Variants in TRAPPC9 observed in about 807,000 individuals in gnomAD.
The protein encoded by TRAPPC9 is IKK2 binding protein.
A neutral mutation model predicts 124.0 loss-of-function variants in TRAPPC9; 83 were observed. The ratio of observed to expected loss-of-function variants is 0.67; its 90% CI spans 0.56 to 0.80. The LOEUF is 0.80. Among genes scored for constraint, TRAPPC9 ranks in the 30% least tolerant of loss-of-function variants. TRAPPC9 has a pLI of 0.00. For missense variants in TRAPPC9, 1,302 were observed against 1,508.3 expected, an observed-to-expected ratio of 0.86 and a Z score of 2.27; for synonymous variants, 638 against 617.5, an observed-to-expected ratio of 1.03 and a Z score of -0.49.
At chr8:139,990,582 C>T (rs1269961756) in intron 18 of TRAPPC9, among the ~76,000 whole-genome samples, 1 of 151,934 alleles carries the variant, frequency 6.6e-6, no homozygotes, top group Non-Finnish European at 1.5e-5. Context: ...GAACATGTCA[C>T]CATTTCTTTT....
intron 17 of TRAPPC9, among the ~76,000 whole-genome samples, chr8:140,077,036 C>A (rs763729792): frequency 6.6e-6 from 1 of 152,026 alleles, no homozygotes; most frequent in Non-Finnish European, 1.5e-5. Context: ...CATGGTAGCA[C>A]ACACCTGTAG....
At chr8:139,923,408 G>A (rs1832625537) in intron 19 of TRAPPC9, among the ~76,000 whole-genome samples, 1 of 152,138 alleles carries the variant, frequency 6.6e-6, no homozygotes, top group Non-Finnish European at 1.5e-5. Context: ...TGAACACATG[G>A]GAGCTGCACG....
chr8:140,126,016 C>T (rs2061090043), intron 17 of TRAPPC9, among the ~76,000 whole-genome samples: 1 of 152,094 alleles, frequency 6.6e-6, no homozygotes. Flanking sequence ...TTGTGATCCG[C>T]CAGCCTCGGC....
chr8:140,201,649 T>A (rs2062792550), intron 17 of TRAPPC9, among the ~76,000 whole-genome samples: 3 of 152,230 alleles, frequency 2.0e-5, no homozygotes, highest in Admixed American at 2.0e-4. Context: ...AGATGATAGG[T>A]CTTGATATTT....
chr8:139,788,582 C>A lies in TRAPPC9; in HGVS notation c.3056-56380G>T, dbSNP rs1330499923. Reference sequence around the variant, plus strand: ...CAGACCCTGGCATGGAGGTCCGTGGCCACTCCACGACAGCCCATGAAGAAC... The same window carrying A: ...CAGACCCTGGCATGGAGGTCCGTGGACACTCCACGACAGCCCATGAAGAAC... On this transcript the variant is annotated intron_variant, in intron 21 of 22. Coordinates refer to ENST00000438773, the MANE Select transcript of TRAPPC9 (RefSeq NM_001160372.4). This position sits in a 1 kb window ranked among gnomAD's most constrained non-coding sequence, Gnocchi z 4.9. Among the ~76,000 whole-genome samples, 1 of 152,168 alleles carries A rather than the reference C, an allele frequency of 6.6e-6. No homozygotes were observed. Among genetic ancestry groups the A allele is most frequent in the Non-Finnish European group, 1.5e-5 (1 of 68,034 alleles).
intron 17 of TRAPPC9, among the ~76,000 whole-genome samples, chr8:140,147,012 G>C (rs1292830354): frequency 6.6e-6 from 1 of 152,108 alleles, no homozygotes; most frequent in Non-Finnish European, 1.5e-5. Context: ...TCAAACTATT[G>C]GCTTGGTGCA....
chr8:140,425,304 A>G, intron 5 of TRAPPC9, among the ~76,000 whole-genome samples: 1 of 152,218 alleles, frequency 6.6e-6, no homozygotes, highest in Non-Finnish European at 1.5e-5. Context: ...AGTCAGGTCC[A>G]CACGTTTCTC....
chr8:140,042,588 T>G (rs1841341379), intron 17 of TRAPPC9, among the ~76,000 whole-genome samples: 1 of 152,178 alleles, frequency 6.6e-6, no homozygotes, highest in Non-Finnish European at 1.5e-5. Context: ...CACCTGGTCT[T>G]TAGGGAGCCT....
intron 19 of TRAPPC9, among the ~76,000 whole-genome samples, chr8:139,918,521 C>T (rs956156018): frequency 1.3e-5 from 2 of 152,218 alleles, no homozygotes; most frequent in Non-Finnish European, 2.9e-5. Context: ...AGCAAACCGG[C>T]CAGAGCGAGG....
chr8:140,024,693 G>GTGTGGGATGACAGGCA (rs1326224577), intron 17 of TRAPPC9, among the ~76,000 whole-genome samples: 2 of 151,922 alleles, frequency 1.3e-5, no homozygotes, highest in Non-Finnish European at 2.9e-5. Flanking sequence ...GATGACAGGC[G>GTGTGGGATGACAGGCA]TGTGGGATGA....
At chr8:140,163,681 C>G (rs138229714) in intron 17 of TRAPPC9, among the ~76,000 whole-genome samples, 4 of 152,264 alleles carry the variant, frequency 2.6e-5, no homozygotes, top group African/African-American at 9.6e-5. Context: ...CTTCAGAATA[C>G]ATCCAGATTT....
chr8:139,829,152 G>A (rs1682108157), intron 21 of TRAPPC9, among the ~76,000 whole-genome samples: 1 of 152,196 alleles, frequency 6.6e-6, no homozygotes, highest in South Asian at 2.1e-4. Context: ...ACATACATAT[G>A]TGTACTAGAC....
At chr8:139,847,260 T>C (rs1393807807) in intron 21 of TRAPPC9, among the ~76,000 whole-genome samples, 1 of 152,248 alleles carries the variant, frequency 6.6e-6, no homozygotes, top group East Asian at 1.9e-4. Flanking sequence ...AGAGGTTTTC[T>C]GAGCGGGGGA....
intron 19 of TRAPPC9, among the ~76,000 whole-genome samples, chr8:139,966,722 A>G (rs1424140907): frequency 1.3e-5 from 2 of 152,188 alleles, no homozygotes; most frequent in Non-Finnish European, 2.9e-5. Flanking sequence ...GTTGAGTCTA[A>G]TAAGTGCTCA....
At chr8:139,837,055 T>A (rs1826408178) in intron 21 of TRAPPC9, among the ~76,000 whole-genome samples, 1 of 151,968 alleles carries the variant, frequency 6.6e-6, no homozygotes. Context: ...CAGGTGACAG[T>A]TAGGTTTTAA....
intron 21 of TRAPPC9, among the ~76,000 whole-genome samples, chr8:139,798,018 G>A (rs894095329): frequency 2.6e-5 from 4 of 152,194 alleles, no homozygotes; most frequent in African/African-American, 9.6e-5. Flanking sequence ...AGGATCAGCA[G>A]CTTGTCACTT....
chr8:139,984,189 G>A lies in TRAPPC9; in HGVS notation c.2810+4537C>T, dbSNP rs1220654589. 6.6e-6 allele frequency among the ~76,000 whole-genome samples: 1 copy of A among 152,104 alleles called. No homozygotes were observed. Among genetic ancestry groups the A allele is most frequent in the Non-Finnish European group, 1.5e-5 (1 of 68,028 alleles). ...ACCTTTGAATGCCAGTTCTGCAAAC[G>A]GCAGCATCCAAGCCATGTTAATTCC... On this transcript the variant is annotated intron_variant, in intron 19 of 22. Transcript: ENST00000438773. This position sits in a 1 kb window ranked among gnomAD's most constrained non-coding sequence, Gnocchi z 4.3.
intron 18 of TRAPPC9, among the ~76,000 whole-genome samples, chr8:139,996,816 T>G (rs1356717888): frequency 6.6e-6 from 1 of 152,168 alleles, no homozygotes; most frequent in Non-Finnish European, 1.5e-5. Context: ...CTCGGCTCAT[T>G]GCAACCTCTG....
At chr8:140,180,794 C>T (rs2062184634) in intron 17 of TRAPPC9, among the ~76,000 whole-genome samples, 1 of 151,264 alleles carries the variant, frequency 6.6e-6, no homozygotes, top group Non-Finnish European at 1.5e-5. Flanking sequence ...TAATTTGTGG[C>T]TTTTCCTCTG....
Sources: allele counts gnomAD v4.1 joint callset (sites outside exome capture counted in the v4.1 genomes callset), GRCh38; gene constraint gnomAD v4.1.1; non-coding constraint Gnocchi (gnomAD v3.1); transcripts MANE v1.5; gene names NCBI Gene and HGNC (gene_info 2026-07-23, HGNC 2026-07-21).